UNC13C: variants seen among roughly 807,000 people sequenced by gnomAD.
UNC13C encodes the protein unc-13 homolog C, also known as protein unc-13 homolog C.
UNC13C carries 174 observed loss-of-function variants against 245.4 expected under a neutral mutation model. The observed-to-expected ratio is 0.71, with a 90% CI of 0.63 to 0.80. UNC13C has a LOEUF of 0.80. UNC13C is among the 30% of genes least tolerant of loss of function. The probability of loss-of-function intolerance (pLI) is 0.00; values close to 1 mark genes in which losing one functional copy is unlikely to be tolerated. For missense variants in UNC13C, 2,829 were observed against 2,602.9 expected (o/e 1.09, Z -1.89); for synonymous variants, 992 against 895.1 (o/e 1.11, Z -1.93).
At chr15:53,869,651 T>A in the UNC13C span, among the ~76,000 whole-genome samples, 1 of 152,214 alleles carries the variant, frequency 6.6e-6, no homozygotes, top group Non-Finnish European at 1.5e-5. Flanking sequence ...GACACAGATA[T>A]TCTGCCTGTC....
Position 54,235,086 on chromosome 15 carries a change from C to T in UNC13C, c.3128C>T (p.Thr1043Ile). The change falls in exon 5 of 33, where the codon ACT (threonine) becomes ATT (isoleucine). Residue 1043 changes from threonine (T) to isoleucine (I), a missense_variant. Physicochemically the swap from Thr to Ile is moderately conservative, Grantham distance 89 (BLOSUM62 -1). Transcript: ENST00000260323. Reference sequence around the variant, plus strand: ...ATGCCGGATCTTCGCAGAAAAAAAACTTTGCCTATTGTCCGAGATGTGGTA... The same window carrying T: ...ATGCCGGATCTTCGCAGAAAAAAAATTTTGCCTATTGTCCGAGATGTGGTA... ...DSMPDLRRKKTLPIVRDVAMT... is the reference protein window; with the variant it reads ...DSMPDLRRKKILPIVRDVAMT... 6.2e-7 allele frequency: 1 copy of T among 1,613,750 alleles called. No individual in the cohort carries two copies. Among genetic ancestry groups the T allele is most frequent in the Non-Finnish European group, 8.5e-7 (1 of 1,179,760 alleles).
intron 4 of UNC13C, among the ~76,000 whole-genome samples, chr15:54,190,052 C>A (rs2034130108): frequency 6.6e-6 from 1 of 152,094 alleles, no homozygotes; most frequent in Non-Finnish European, 1.5e-5. Flanking sequence ...TGAGGGAATG[C>A]CTTACTCTTA....
intron 2 of UNC13C, among the ~76,000 whole-genome samples, chr15:54,134,226 C>T (rs921780358): frequency 2.6e-5 from 4 of 151,960 alleles, no homozygotes; most frequent in African/African-American, 9.7e-5. Context: ...TTCCCCCACC[C>T]CCAGCCCTGG....
At chr15:54,203,829 T>TATATACACATAC (rs142051854) in intron 4 of UNC13C, among the ~76,000 whole-genome samples, 66,050 of 137,896 alleles carry the variant, frequency 0.48, 15,956 homozygotes, top group Middle Eastern at 0.58. Flanking sequence ...TACGTGTATG[T>TATATACACATAC]ATATACACAT....
At chr15:54,280,759 TAC>T (rs1428091789) in intron 10 of UNC13C, among the ~76,000 whole-genome samples, 86 of 135,784 alleles carry the variant, frequency 6.3e-4, no homozygotes, top group Middle Eastern at 3.7e-3. Flanking sequence ...TATATACACA[TAC>T]ATACATACAT....
chr15:54,618,829 C>T (rs767807851), intron 30 of UNC13C, among the ~76,000 whole-genome samples: 49 of 151,938 alleles, frequency 3.2e-4, no homozygotes, highest in African/African-American at 1.1e-3. Context: ...ATGAAAATAA[C>T]GGGAGCCAAA....
At chr15:54,488,018 A>G (rs1388404649) in intron 19 of UNC13C, among the ~76,000 whole-genome samples, 1 of 147,768 alleles carries the variant, frequency 6.8e-6, no homozygotes, top group Non-Finnish European at 1.5e-5. Context: ...GCCTCCAAAG[A>G]TATCCCAACA....
chr15:54,596,407 G>A (rs1899085818), intron 30 of UNC13C, among the ~76,000 whole-genome samples: 2 of 152,132 alleles, frequency 1.3e-5, no homozygotes. Context: ...TCTAGGAATT[G>A]GAATATAAAG....
chr15:54,244,202 G>T (rs1179647434), intron 7 of UNC13C, among the ~76,000 whole-genome samples: 1 of 152,096 alleles, frequency 6.6e-6, no homozygotes. Flanking sequence ...CATATGGCTA[G>T]CCAGTTCTCT....
intron 19 of UNC13C, among the ~76,000 whole-genome samples, chr15:54,435,364 G>A (rs959254416): frequency 1.3e-5 from 2 of 152,074 alleles, no homozygotes; most frequent in Non-Finnish European, 1.5e-5. Context: ...TAAAGAAAAT[G>A]TGGCACATAT....
the UNC13C span, among the ~76,000 whole-genome samples, chr15:53,865,512 GC>G: frequency 6.6e-6 from 1 of 152,048 alleles, no homozygotes; most frequent in East Asian, 1.9e-4. Flanking sequence ...TTAGATTAGG[GC>G]CCCAACCTAA....
chr15:54,418,794 G>A (rs547913065), intron 19 of UNC13C, among the ~76,000 whole-genome samples: 2 of 152,198 alleles, frequency 1.3e-5, no homozygotes, highest in East Asian at 1.9e-4. Context: ...CTCTAAACAC[G>A]TATCTCAGAA....
rs538995961 is a variant in UNC13C, at chr15:54,548,962, A to T, written c.5821-673A>T. Among the ~76,000 whole-genome samples the T allele has an allele frequency of 3.9e-5, 6 of 152,284 alleles. No homozygotes were observed. The South Asian group carries it at 1.0e-3, about 26-fold the overall frequency. ...TCTCCAATAAAATACACACTCCGAT[A>T]AAACATCTAGATAACATTTGTTCAG... On this transcript the variant is annotated intron_variant, in intron 27 of 32. Transcript: ENST00000260323.
At chr15:54,285,898 G>C (rs897941718) in intron 10 of UNC13C, among the ~76,000 whole-genome samples, 55 of 150,866 alleles carry the variant, frequency 3.6e-4, no homozygotes, top group African/African-American at 1.2e-3. Context: ...TTTTTTTTAA[G>C]ACAGAGTCTC....
chr15:53,938,731 T>C, the UNC13C span, among the ~76,000 whole-genome samples: 2 of 152,162 alleles, frequency 1.3e-5, no homozygotes, highest in African/African-American at 4.8e-5. Context: ...ACATGGAAAT[T>C]GAGCAATCTG....
chr15:54,395,335 T>C (rs76622257), intron 18 of UNC13C, among the ~76,000 whole-genome samples: 8,328 of 151,856 alleles, frequency 0.055, 305 homozygotes, highest in Admixed American at 0.11. Context: ...GCTTAATTAA[T>C]CATCTCCTTG....
intron 15 of UNC13C, among the ~76,000 whole-genome samples, chr15:54,332,697 A>G (rs893211381): frequency 2.0e-5 from 3 of 152,054 alleles, no homozygotes; most frequent in African/African-American, 7.2e-5. Context: ...TAGTTACAAA[A>G]TATCTTAGTT....
At chr15:54,415,932 T>C (rs2040510367) in intron 19 of UNC13C, among the ~76,000 whole-genome samples, 2 of 152,044 alleles carry the variant, frequency 1.3e-5, no homozygotes. Context: ...TCTAAGAAAA[T>C]GTAACTTTGA....
At chr15:53,875,136 C>T in the UNC13C span, among the ~76,000 whole-genome samples, 1 of 152,146 alleles carries the variant, frequency 6.6e-6, no homozygotes, top group Non-Finnish European at 1.5e-5. Flanking sequence ...CTTTCCCCCA[C>T]ATCTATTTTA....
Sources: allele counts gnomAD v4.1 joint callset (sites outside exome capture counted in the v4.1 genomes callset), GRCh38; gene constraint gnomAD v4.1.1; transcripts MANE v1.5; gene names NCBI Gene and HGNC (gene_info 2026-07-23, HGNC 2026-07-21).